Variants in DENND4C observed in about 807,000 individuals in gnomAD.
The protein encoded by DENND4C is DENN domain-containing protein 4C.
In DENND4C, 108 loss-of-function variants were observed where a neutral mutation model predicts 203.0. The ratio of observed to expected loss-of-function variants is 0.53; its 90% CI spans 0.46 to 0.62. DENND4C has a LOEUF of 0.62. Among genes scored for constraint, DENND4C ranks in the 20% least tolerant of loss-of-function variants. The probability of loss-of-function intolerance (pLI) is 0.00; values close to 1 mark genes in which losing one functional copy is unlikely to be tolerated. For missense variants in DENND4C, 2,481 were observed against 2,301.2 expected, an observed-to-expected ratio of 1.08 and a Z score of -1.60; for synonymous variants, 871 against 792.4, an observed-to-expected ratio of 1.10 and a Z score of -1.67.
At chr9:19,269,241 C>A (rs1432326110) in intron 1 of DENND4C, among the ~76,000 whole-genome samples, 1 of 152,078 alleles carries the variant, frequency 6.6e-6, no homozygotes, top group Non-Finnish European at 1.5e-5. Context: ...TAGCTCACTG[C>A]AACCTCTGCT....
At chr9:19,324,235 T>C in intron 12 of DENND4C, 127 bp from the exon 13 acceptor site, 1 of 579,160 alleles carries the variant, frequency 1.7e-6, no homozygotes, top group Non-Finnish European at 2.6e-6. Context: ...AGAAGCTTCT[T>C]TTTAAATATG....
chr9:19,291,971 A>C (rs1409885677), intron 5 of DENND4C, among the ~76,000 whole-genome samples: 1 of 152,096 alleles, frequency 6.6e-6, no homozygotes, highest in Non-Finnish European at 1.5e-5. Context: ...TTAAAGATGT[A>C]CTCTGAATCT....
At chr9:19,236,522 A>G (rs903725187) in intron 1 of DENND4C, among the ~76,000 whole-genome samples, 9 of 152,200 alleles carry the variant, frequency 5.9e-5, no homozygotes, top group Non-Finnish European at 1.3e-4. Context: ...AGAAATTAAG[A>G]CTATATTGTA....
Position 19,332,143 on chromosome 9 carries a change from C to G in DENND4C, c.2419C>G (p.Leu807Val). ...VRALQQAYDV[L>V]IKMRKTDVDP... Reference sequence around the variant, plus strand: ...AGCACTTCAGCAGGCATATGATGTACTTATTAAGATGAGGAAAACAGATGT... The same window carrying G: ...AGCACTTCAGCAGGCATATGATGTAGTTATTAAGATGAGGAAAACAGATGT... The change falls in exon 17 of 33, where the codon CTT becomes GTT. Residue 807 changes from leucine to valine, a missense_variant. Physicochemically the swap from Leu to Val is conservative, Grantham distance 32 (BLOSUM62 1). This residue lies in a region of DENND4C where 2,289 missense variants were observed against 2,113.3 expected (regional missense o/e 1.08). Coordinates refer to ENST00000434457, the MANE Select transcript of DENND4C (RefSeq NM_001330640.2). The G allele has an allele frequency of 1.9e-6, 3 of 1,613,946 alleles. No homozygotes were observed. The highest frequency in any genetic ancestry group is 1.1e-5 in the South Asian group (1 of 91,076).
intron 31 of DENND4C, among the ~76,000 whole-genome samples, chr9:19,370,383 G>T (rs1374058080): frequency 6.6e-6 from 1 of 151,970 alleles, no homozygotes; most frequent in Non-Finnish European, 1.5e-5. Context: ...GAGCCCAGGA[G>T]GTCCAGGTTA....
At chr9:19,274,778 C>G (rs940482148) in intron 1 of DENND4C, among the ~76,000 whole-genome samples, 1 of 152,146 alleles carries the variant, frequency 6.6e-6, no homozygotes, top group Non-Finnish European at 1.5e-5. Context: ...TGAGAAACTG[C>G]TTTAATGATA....
intron 22 of DENND4C, 68 bp from the exon 23 acceptor site, chr9:19,345,853 A>C: frequency 1.5e-6 from 2 of 1,354,564 alleles, no homozygotes; most frequent in South Asian, 1.4e-5. Context: ...TCAGGAAAAC[A>C]ATAAATATTT....
chr9:19,239,342 G>A (rs572891828), intron 1 of DENND4C, among the ~76,000 whole-genome samples: 1 of 151,880 alleles, frequency 6.6e-6, no homozygotes, highest in Admixed American at 6.6e-5. Flanking sequence ...TTTCTTTTTT[G>A]ATCAGGGGTT....
In DENND4C at chr9:19,346,169, A is replaced by G. The variant is rs751482172; in HGVS notation, c.3400A>G (p.Thr1134Ala). 44 of 1,614,246 alleles carry G rather than the reference A, an allele frequency of 2.7e-5. No homozygotes were observed. The highest frequency in any genetic ancestry group is 3.6e-5 in the Non-Finnish European group (43 of 1,180,036). ...TGCCAAGATTCTCACAGCAGCATTGACATGTCCTAAGACTTCTCTACTTCA... is the reference window on the plus strand; with the variant it reads ...TGCCAAGATTCTCACAGCAGCATTGGCATGTCCTAAGACTTCTCTACTTCA... ...ADAKILTAAL[T>A]CPKTSLLHIA... The change falls in exon 23 of 33, where the codon ACA becomes GCA. Residue 1134 changes from threonine (T) to alanine (A), a missense_variant. By Grantham distance (58) the Thr-to-Ala change is moderately conservative. Coordinates refer to ENST00000434457, the MANE Select transcript of DENND4C (RefSeq NM_001330640.2).
chr9:19,360,097 C>T, intron 28 of DENND4C, 147 bp from the exon 29 acceptor site: 1 of 760,744 alleles, frequency 1.3e-6, no homozygotes, highest in South Asian at 2.0e-5. Context: ...TTTAGGTTTT[C>T]ATTCATTAGC....
chr9:19,281,423 G>A (rs1834019664), intron 2 of DENND4C, among the ~76,000 whole-genome samples: 1 of 152,164 alleles, frequency 6.6e-6, no homozygotes, highest in African/African-American at 2.4e-5. Flanking sequence ...GTGTGAAGGG[G>A]TTTGGAAAAC....
chr9:19,289,979 A>G (rs1023166817), intron 4 of DENND4C, among the ~76,000 whole-genome samples: 2 of 152,170 alleles, frequency 1.3e-5, no homozygotes, highest in Non-Finnish European at 2.9e-5. Context: ...GTATTCAGTT[A>G]TTTGATATGA....
chr9:19,348,169 C>G (rs1351391740), intron 23 of DENND4C, among the ~76,000 whole-genome samples: 2 of 152,020 alleles, frequency 1.3e-5, no homozygotes, highest in East Asian at 3.8e-4. Flanking sequence ...TCACAGCAAC[C>G]CCATGAGGGT....
rs1211738395 is a variant in DENND4C, at chr9:19,330,111, A to AT, written c.2254-1858dup. On this transcript the variant is annotated intron_variant, in intron 16 of 32. Coordinates refer to ENST00000434457, the MANE Select transcript of DENND4C (RefSeq NM_001330640.2). ...TGTTGTCTGAAGAGAATACTAAAGA[A>AT]TTTTTTTTTACTGTTACCAGCTAAC... 4.6e-5 allele frequency among the ~76,000 whole-genome samples: 7 copies of AT among 151,598 alleles called. No homozygotes were observed. The East Asian group carries it at 5.8e-4, about 13-fold the overall frequency.
In DENND4C at chr9:19,323,991, C is replaced by G. The variant is rs143988661; in HGVS notation, c.1808-371C>G. On this transcript the variant is annotated intron_variant, in intron 12 of 32. Coordinates refer to ENST00000434457, the MANE Select transcript of DENND4C (RefSeq NM_001330640.2). The stretch of plus-strand genomic sequence containing the variant: ...AAGTGGAAAATTCTACACGTAAGTA[C>G]TTAACACACACTTTGTTTCATGCAC... Among the ~76,000 whole-genome samples, 226 of 152,286 alleles carry G rather than the reference C, an allele frequency of 1.5e-3. 1 individual carries two copies. Among genetic ancestry groups the G allele is most frequent in the African/African-American group, 5.2e-3 (216 of 41,568 alleles).
chr9:19,281,028 A>C (rs753323179), intron 2 of DENND4C, among the ~76,000 whole-genome samples: 1 of 152,186 alleles, frequency 6.6e-6, no homozygotes, highest in Non-Finnish European at 1.5e-5. Context: ...GGAGTGAGCC[A>C]CTGTGCCGGG....
intron 1 of DENND4C, among the ~76,000 whole-genome samples, chr9:19,255,826 C>T (rs187993225): frequency 2.9e-4 from 44 of 152,254 alleles, no homozygotes; most frequent in African/African-American, 1.1e-3. Context: ...GGACAGAAAA[C>T]CATCAAGGAT....
intron 5 of DENND4C, among the ~76,000 whole-genome samples, chr9:19,292,048 G>A (rs1836435702): frequency 1.3e-5 from 2 of 151,786 alleles, no homozygotes; most frequent in East Asian, 3.9e-4. Flanking sequence ...TTTTGAGACG[G>A]AATGTCACTC....
At chr9:19,338,059 C>A (rs1820872891) in intron 20 of DENND4C, among the ~76,000 whole-genome samples, 1 of 152,146 alleles carries the variant, frequency 6.6e-6, no homozygotes, top group Non-Finnish European at 1.5e-5. Context: ...CACATAATTA[C>A]AGGAGCATGT....
Sources: allele counts gnomAD v4.1 joint callset (sites outside exome capture counted in the v4.1 genomes callset), GRCh38; gene constraint gnomAD v4.1.1; regional missense constraint gnomAD v4.1.1; transcripts MANE v1.5; gene names NCBI Gene and HGNC (gene_info 2026-07-23, HGNC 2026-07-21).